BST2: variants seen among roughly 807,000 people sequenced by gnomAD.
BST2 encodes bone marrow stromal antigen 2.
In BST2, 10 loss-of-function variants were observed where a neutral mutation model predicts 18.6. The observed-to-expected ratio is 0.54, with a 90% CI of 0.33 to 0.91. The LOEUF is 0.91. BST2 is among the 40% of genes least tolerant of loss of function. The pLI is 0.02. For missense variants in BST2, 183 were observed against 228.4 expected, an observed-to-expected ratio of 0.80 and a Z score of 1.28; for synonymous variants, 75 against 96.8, an observed-to-expected ratio of 0.77 and a Z score of 1.32.
rs372113445 is a variant in BST2 at position 17,403,828 on chromosome 19, C to T, written c.414-4G>A. ...GCTTAAGACCTGGTTTTCTCTTCTG[C>T]GGTACAGATGGCAAATCAGGCATCT... On this transcript the variant is annotated splice_polypyrimidine_tract_variant and splice_region_variant and intron_variant, in intron 3 of 4. Coordinates refer to ENST00000252593, the MANE Select transcript of BST2 (RefSeq NM_004335.4). 3.4e-6 allele frequency: 5 copies of T among 1,477,802 alleles called. No individual in the cohort carries two copies. Among genetic ancestry groups the T allele is most frequent in the South Asian group, 1.2e-5 (1 of 86,456 alleles). 91.5% of individuals were successfully genotyped at this position (1,477,802 alleles called of 1,614,324 possible). A position where few individuals can be genotyped will look rare whatever the true frequency, so the allele number is the denominator to read the frequency against.
chr19:17,403,014 C>T lies in BST2; in HGVS notation c.*328G>A. On this transcript the variant is annotated 3_prime_UTR_variant, in exon 5 of 5. Coordinates refer to ENST00000252593, the MANE Select transcript of BST2 (RefSeq NM_004335.4). ...CCCCAGAAAAAAGCAACCCCCCCCG[C>T]AAAAAAAACCCATAACAACAGGCAG... 5.1e-6 allele frequency: 5 copies of T among 984,008 alleles called. No individual in the cohort carries two copies. The highest frequency in any genetic ancestry group is 6.0e-6 in the Non-Finnish European group (5 of 829,410). The allele number at this position is 984,008 out of a possible 1,614,324, so 61.0% of individuals were successfully genotyped here.
intron 1 of BST2, 177 bp from the exon 2 acceptor site, chr19:17,404,614 C>T: frequency 1.1e-6 from 1 of 921,806 alleles, no homozygotes; most frequent in Non-Finnish European, 1.6e-6. Flanking sequence ...CACAACCACA[C>T]ACTCTCCCAG....
chr19:17,404,258 C>T, intron 2 of BST2, 69 bp from the exon 3 acceptor site: 1 of 1,567,718 alleles, frequency 6.4e-7, no homozygotes, highest in South Asian at 1.1e-5. Context: ...CTGCTCCACT[C>T]TGGGACAGAA....
rs141648094 is a variant in BST2 at position 17,405,554 on chromosome 19, A to G, written c.22T>C (p.Tyr8His). ...CCGTCTTCCATGGGCACTCTGCAAT[A>G]GTCATACGAAGTAGATGCCATCCAG... Reference protein sequence around the residue: MASTSYDYCRVPMEDGDK... With the variant: MASTSYDHCRVPMEDGDK... The change falls in exon 1 of 5, where the codon TAT becomes CAT. Residue 8 changes from tyrosine to histidine, a missense_variant. Tyr to His is a moderately conservative substitution (Grantham distance 83). Transcript: ENST00000252593. 5.5e-4 allele frequency: 883 copies of G among 1,611,358 alleles called. 1 individual carries two copies. Among genetic ancestry groups the G allele is most frequent in the Non-Finnish European group, 6.4e-4 (752 of 1,179,226 alleles).
intron 1 of BST2, 45 bp from the exon 2 acceptor site, chr19:17,404,482 T>C: frequency 1.9e-6 from 3 of 1,613,830 alleles, no homozygotes; most frequent in Non-Finnish European, 1.7e-6. Flanking sequence ...GGAGTTTGGC[T>C]GCTGCCCCTG....
chr19:17,403,574 A>C (rs988751366), intron 4 of BST2, 106 bp downstream of exon 4: 132 of 1,250,190 alleles, frequency 1.1e-4, no homozygotes, highest in Non-Finnish European at 1.3e-4. Context: ...CTCTGCGCCC[A>C]GTCCCTTCCC....
Position 17,404,361 on chromosome 19 carries a change from C to T in BST2, c.352+10G>A, listed in dbSNP as rs1427891456. ...CCCCTCCCCGGCCCTCTCCCTTCTC[C>T]CTTTCTCACCCTCAAGCTCCTCCAC... On this transcript the variant is annotated intron_variant, in intron 2 of 4. Coordinates refer to ENST00000252593, the MANE Select transcript of BST2 (RefSeq NM_004335.4). 1.9e-6 allele frequency: 3 copies of T among 1,606,576 alleles called. No homozygotes were observed. Among genetic ancestry groups the T allele is most frequent in the Non-Finnish European group, 2.6e-6 (3 of 1,173,334 alleles).
intron 1 of BST2, 58 bp downstream of exon 1, chr19:17,405,233 G>A (rs2074719291): frequency 1.3e-6 from 2 of 1,517,828 alleles, no homozygotes; most frequent in Non-Finnish European, 8.8e-7. Flanking sequence ...TCTGGGGAGA[G>A]ATTCTTGTCC....
In BST2 at chr19:17,403,100, T is replaced by A. The variant is rs1393609036; in HGVS notation, c.*242A>T. 1 of 984,006 alleles carries A rather than the reference T, an allele frequency of 1.0e-6. No homozygotes were observed. Among genetic ancestry groups the A allele is most frequent in the Non-Finnish European group, 1.2e-6 (1 of 829,886 alleles). The allele number at this position is 984,006 out of a possible 1,614,324, so 61.0% of individuals were successfully genotyped here. A position where few individuals can be genotyped will look rare whatever the true frequency, so the allele number is the denominator to read the frequency against. On this transcript the variant is annotated 3_prime_UTR_variant, in exon 5 of 5. Transcript: ENST00000252593. ...CAGGGTGGGAGACAAGAGGGGGGACTCATTGTCCGGAGGGAGGCTCTGGAG... is the reference window on the plus strand; with the variant it reads ...CAGGGTGGGAGACAAGAGGGGGGACACATTGTCCGGAGGGAGGCTCTGGAG...
Position 17,404,137 on chromosome 19 carries a change from C to T in BST2, c.405G>A (p.Glu135=), listed in dbSNP as rs762373269. 1 of 1,590,768 alleles carries T rather than the reference C, an allele frequency of 6.3e-7. No homozygotes were observed. The highest frequency in any genetic ancestry group is 1.1e-5 in the South Asian group (1 of 87,942). ...GGAAGGCTATCTCTGACCTCAGTCG[C>T]TCCACCTCTGCAGACGCGTCCTGAA... ...HKLQDASAEV[E]RLRRENQVLS... is the part of the protein sequence containing the mutation. The change falls in exon 3 of 5, where the codon GAG becomes GAA. Residue 135 remains glutamate, a synonymous_variant. Transcript: ENST00000252593.
At chr19:17,404,108 C>CG (rs1184781923) in intron 3 of BST2, 21 bp downstream of exon 3, 1 of 1,569,894 alleles carries the variant, frequency 6.4e-7, no homozygotes, top group East Asian at 2.4e-5. Context: ...TGGAGGGTAG[C>CG]GGGGGAAGGC....
chr19:17,404,523 A>G, intron 1 of BST2, 86 bp from the exon 2 acceptor site: 1 of 1,593,512 alleles, frequency 6.3e-7, no homozygotes, highest in Non-Finnish European at 8.6e-7. Context: ...GGTCCTGGGG[A>G]CAGAGGGGCT....
chr19:17,404,452 A>G lies in BST2; in HGVS notation c.286-15T>C. The G allele has an allele frequency of 6.2e-7, 1 of 1,614,080 alleles. No homozygotes were observed. Among genetic ancestry groups the G allele is most frequent in the African/African-American group, 1.3e-5 (1 of 75,008 alleles). The stretch of plus-strand genomic sequence containing the variant: ...ATTAGGGCCATCTAAGAAGAGTTAG[A>G]ATCTGGGGTTTTGGCCTGGGGAGTT... On this transcript the variant is annotated splice_polypyrimidine_tract_variant and intron_variant, in intron 1 of 4. Transcript: ENST00000252593.
At chr19:17,403,651 C>A in intron 4 of BST2, 29 bp downstream of exon 4, 1 of 1,600,424 alleles carries the variant, frequency 6.2e-7, no homozygotes, top group Non-Finnish European at 8.5e-7. Flanking sequence ...CTTTCTTCTC[C>A]CTCCCGGGGC....
rs763757450 is a variant in BST2 at position 17,404,139 on chromosome 19, C to CCA, written c.401_402dup (p.Glu135TrpfsTer4). On this transcript the variant is annotated frameshift_variant, in exon 3 of 5. Coordinates refer to ENST00000252593, the MANE Select transcript of BST2 (RefSeq NM_004335.4). LOFTEE classifies it high-confidence loss of function. Reference sequence around the variant, plus strand: ...AAGGCTATCTCTGACCTCAGTCGCTCCACCTCTGCAGACGCGTCCTGAAGC... The same window carrying CCA: ...AAGGCTATCTCTGACCTCAGTCGCTCCACACCTCTGCAGACGCGTCCTGAAGC... 1 of 1,591,914 alleles carries CCA rather than the reference C, an allele frequency of 6.3e-7. No individual in the cohort carries two copies. The highest frequency in any genetic ancestry group is 1.1e-5 in the South Asian group (1 of 88,070).
In BST2 at chr19:17,405,546, T is replaced by G. The variant is rs756732924; in HGVS notation, c.30A>C (p.Arg10Ser). The G allele has an allele frequency of 8.1e-6, 13 of 1,613,360 alleles. No homozygotes were observed. The highest frequency in any genetic ancestry group is 1.0e-5 in the Non-Finnish European group (12 of 1,179,836). The stretch of plus-strand genomic sequence containing the variant: ...GCTTATCCCCGTCTTCCATGGGCAC[T>G]CTGCAATAGTCATACGAAGTAGATG... MASTSYDYC[R>S]VPMEDGDKRC... Residue 10 changes from arginine to serine, a missense_variant, in exon 1 of 5, where the codon AGA becomes AGC. Transcript: ENST00000252593.
At position 17,404,247 on chromosome 19, in the gene BST2, C is replaced by G. The variant is rs1458052329; in HGVS notation, c.353-58G>C. The G allele has an allele frequency of 5.7e-6, 9 of 1,572,334 alleles. No homozygotes were observed. In the Admixed American group the frequency reaches 1.0e-4, roughly 18 times the overall value. On this transcript the variant is annotated intron_variant, in intron 2 of 4. Coordinates refer to ENST00000252593, the MANE Select transcript of BST2 (RefSeq NM_004335.4). ...GGTCAGCATGTGGCCATGCTGGGGC[C>G]CTGCTCCACTCTGGGACAGAACCTC...
chr19:17,404,342 C>T, intron 2 of BST2, 29 bp downstream of exon 2: 1 of 1,590,118 alleles, frequency 6.3e-7, no homozygotes, highest in Non-Finnish European at 8.6e-7. Flanking sequence ...CTCACCCCTC[C>T]CCGGCCCTCT....
rs1217931626 is a variant in BST2, at chr19:17,403,738, T to A, written c.500A>T (p.Gln167Leu). ...GAGGCCCAGCAGCACAATCAGCAGC[T>A]GGGGCGCCGCAGCGGAGCTGGAGTC... ...SQDSSSAAAPQLLIVLLGLSA... is the reference protein window; with the variant it reads ...SQDSSSAAAPLLLIVLLGLSA... The change falls in exon 4 of 5, where the codon CAG becomes CTG. Residue 167 changes from glutamine (Q) to leucine (L), a missense_variant. By Grantham distance (113) the Gln-to-Leu change is moderately radical. Coordinates refer to ENST00000252593, the MANE Select transcript of BST2 (RefSeq NM_004335.4). 7.4e-6 allele frequency: 12 copies of A among 1,613,500 alleles called. No individual in the cohort carries two copies. The highest frequency in any genetic ancestry group is 7.6e-6 in the Non-Finnish European group (9 of 1,179,826).
Sources: gnomAD v4.1 joint callset for allele counts on GRCh38, gnomAD v4.1.1 for gene constraint, MANE v1.5 for transcripts, NCBI Gene and HGNC (gene_info 2026-07-23, HGNC 2026-07-21) for gene names.